The following OTUD7A variants were observed in gnomAD, a reference collection of about 807,000 sequenced individuals.
OTUD7A encodes OTU deubiquitinase 7A.
In OTUD7A, 12 loss-of-function variants were observed where a neutral mutation model predicts 65.7. The ratio of observed to expected loss-of-function variants is 0.18; its 90% confidence interval spans 0.12 to 0.30. The LOEUF is 0.30. Ranked by LOEUF, OTUD7A falls within the 10% of genes least tolerant of loss-of-function variation. The probability of loss-of-function intolerance (pLI) is 1.00; values close to 1 mark genes in which losing one functional copy is unlikely to be tolerated. For synonymous variants in OTUD7A, 641 were observed against 586.3 expected (o/e 1.09, Z -1.35); for missense variants, 1,148 against 1,304.8 (o/e 0.88, Z 1.85).
intron 10 of OTUD7A, among the ~76,000 whole-genome samples, chr15:31,492,933 G>C (rs2041336175): frequency 1.3e-5 from 2 of 152,124 alleles, no homozygotes; most frequent in South Asian, 4.1e-4. Context: ...CATTGTAAGG[G>C]CCAGGCACTG....
At chr15:31,738,357 G>A (rs991014405) in intron 1 of OTUD7A, among the ~76,000 whole-genome samples, 1 of 152,102 alleles carries the variant, frequency 6.6e-6, no homozygotes, top group Admixed American at 6.5e-5. Context: ...GAAGAATTTG[G>A]CTGAGGATGG....
At chr15:31,671,329 A>G (rs1026448826) in intron 1 of OTUD7A, among the ~76,000 whole-genome samples, 1 of 152,198 alleles carries the variant, frequency 6.6e-6, no homozygotes, top group Non-Finnish European at 1.5e-5. Context: ...TAAATAAGGA[A>G]TCCTTTCCCC....
chr15:31,810,499 GA>G (rs1203817582), intron 1 of OTUD7A, among the ~76,000 whole-genome samples: 1 of 152,186 alleles, frequency 6.6e-6, no homozygotes, highest in Non-Finnish European at 1.5e-5. Flanking sequence ...TGCATGCGTA[GA>G]AAAGAGGCCA....
rs1595805000 is a variant in OTUD7A, at chr15:31,838,541, C to A, written c.-100+31966G>T. Among the ~76,000 whole-genome samples the A allele has an allele frequency of 2.6e-5, 4 of 152,318 alleles. No homozygotes were observed. In the East Asian group the frequency reaches 7.7e-4, roughly 29 times the overall value. On this transcript the variant is annotated intron_variant, in intron 1 of 12. Coordinates refer to ENST00000307050, the MANE Select transcript of OTUD7A (RefSeq NM_001382637.1). ...AGCTGCCACATCTCTCTCCAGGAAG[C>A]CTGCAGAACCACCACTCCCAACTGA...
intron 1 of OTUD7A, among the ~76,000 whole-genome samples, chr15:31,864,368 C>T (rs1347598451): frequency 6.6e-6 from 1 of 152,104 alleles, no homozygotes; most frequent in Non-Finnish European, 1.5e-5. Context: ...AAGACATATG[C>T]GAAACTGGGA....
At chr15:31,513,109 G>A (rs1467887148) in intron 8 of OTUD7A, among the ~76,000 whole-genome samples, 1 of 152,126 alleles carries the variant, frequency 6.6e-6, no homozygotes, top group Non-Finnish European at 1.5e-5. Flanking sequence ...GGCCTCAAGT[G>A]ATCCACCAGC....
chr15:31,846,236 G>A (rs2140999506), intron 1 of OTUD7A, among the ~76,000 whole-genome samples: 1 of 152,352 alleles, frequency 6.6e-6, no homozygotes, highest in South Asian at 2.1e-4. Context: ...TGATCAACAT[G>A]ACTCTTTCCT....
intron 1 of OTUD7A, among the ~76,000 whole-genome samples, chr15:31,763,053 C>G (rs968723282): frequency 2.6e-5 from 4 of 152,158 alleles, no homozygotes; most frequent in Admixed American, 2.6e-4. Context: ...GAGGCTGAGG[C>G]AGGCGGATCA....
At chr15:31,504,077 G>A (rs371333478) in intron 8 of OTUD7A, among the ~76,000 whole-genome samples, 2 of 152,370 alleles carry the variant, frequency 1.3e-5, no homozygotes, top group African/African-American at 4.8e-5. Context: ...GGTGCCGGCC[G>A]CTGTGAAGGC....
At chr15:31,626,200 C>T (rs999636423) in intron 3 of OTUD7A, among the ~76,000 whole-genome samples, 2 of 152,076 alleles carry the variant, frequency 1.3e-5, no homozygotes, top group African/African-American at 4.8e-5. Flanking sequence ...CATAAAGAAC[C>T]AAAAACATAT....
At chr15:31,824,562 G>A (rs1896756845) in intron 1 of OTUD7A, among the ~76,000 whole-genome samples, 1 of 152,304 alleles carries the variant, frequency 6.6e-6, no homozygotes, top group Admixed American at 6.5e-5. Context: ...ATTATGAAAA[G>A]TCTTGAAGTT....
intron 1 of OTUD7A, among the ~76,000 whole-genome samples, chr15:31,675,789 C>T (rs1346951093): frequency 6.6e-6 from 1 of 152,118 alleles, no homozygotes; most frequent in African/African-American, 2.4e-5. Context: ...GCCAACCAAC[C>T]CCCACCAAAT....
chr15:31,675,215 C>T (rs1892569888), intron 1 of OTUD7A, among the ~76,000 whole-genome samples: 1 of 152,174 alleles, frequency 6.6e-6, no homozygotes, highest in African/African-American at 2.4e-5. Flanking sequence ...AAATTAGAGC[C>T]TTGGAGCTGC....
chr15:31,666,742 T>C (rs1229802198), intron 1 of OTUD7A, among the ~76,000 whole-genome samples: 1 of 152,186 alleles, frequency 6.6e-6, no homozygotes, highest in Non-Finnish European at 1.5e-5. Context: ...GTTTCTGCCC[T>C]TTCAGTCTTT....
At chr15:31,853,381 T>C (rs757706371) in intron 1 of OTUD7A, among the ~76,000 whole-genome samples, 33 of 151,992 alleles carry the variant, frequency 2.2e-4, no homozygotes, top group Admixed American at 1.3e-4. Context: ...GAGAGAAAAC[T>C]AGAAAGAGAA....
intron 1 of OTUD7A, among the ~76,000 whole-genome samples, chr15:31,789,096 A>AT (rs1400084794): frequency 6.6e-6 from 1 of 151,246 alleles, no homozygotes; most frequent in Non-Finnish European, 1.5e-5. Context: ...AATAAATTTC[A>AT]TTTTTTTAAT....
intron 5 of OTUD7A, among the ~76,000 whole-genome samples, chr15:31,545,060 A>G (rs753110982): frequency 2.0e-5 from 3 of 152,092 alleles, no homozygotes; most frequent in African/African-American, 4.8e-5. Flanking sequence ...AAAAATTATA[A>G]TAAGTATTTA....
At chr15:31,610,061 G>A (rs1320144725) in intron 3 of OTUD7A, among the ~76,000 whole-genome samples, 2 of 151,724 alleles carry the variant, frequency 1.3e-5, no homozygotes, top group African/African-American at 4.8e-5. Context: ...ACAGCCTTCA[G>A]CTCTAGACCT....
At chr15:31,609,657 G>A (rs1355536386) in intron 3 of OTUD7A, among the ~76,000 whole-genome samples, 1 of 152,102 alleles carries the variant, frequency 6.6e-6, no homozygotes, top group Non-Finnish European at 1.5e-5. Flanking sequence ...GAGGACAAAG[G>A]GCATATACTC....
Sources: allele counts gnomAD v4.1 joint callset (sites outside exome capture counted in the v4.1 genomes callset), GRCh38; gene constraint gnomAD v4.1.1; transcripts MANE v1.5; gene names NCBI Gene and HGNC (gene_info 2026-07-23, HGNC 2026-07-21).